Variants in MAF observed in about 807,000 individuals in gnomAD.
MAF encodes transcription factor Maf.
Under a neutral mutation model 22.0 loss-of-function variants are expected in MAF, and 10 were observed. The ratio of observed to expected loss-of-function variants is 0.45; its 90% confidence interval spans 0.28 to 0.77. MAF has a LOEUF of 0.77. MAF is among the 30% of genes least tolerant of loss of function. The probability of loss-of-function intolerance (pLI) is 0.12; values close to 1 mark genes in which losing one functional copy is unlikely to be tolerated. For synonymous variants in MAF, 337 were observed against 255.8 expected (o/e 1.32, Z -3.03); for missense variants, 544 against 548.4 (o/e 0.99, Z 0.08).
the MAF span, among the ~76,000 whole-genome samples, chr16:79,547,936 G>A: frequency 2.7e-5 from 1 of 37,278 alleles, no homozygotes; most frequent in Non-Finnish European, 8.1e-5. Context: ...GAGAGAGAGA[G>A]AGAGAGAATA....
the MAF span, chr16:79,516,219 T>A: frequency 6.6e-6 from 1 of 152,112 alleles, no homozygotes; most frequent in African/African-American, 2.4e-5. Context: ...CCACTGAGGG[T>A]CCAGCATCGG....
At chr16:79,378,471 A>G in the MAF span, among the ~76,000 whole-genome samples, 1 of 152,210 alleles carries the variant, frequency 6.6e-6, no homozygotes, top group South Asian at 2.1e-4. Flanking sequence ...GTGTATTCAC[A>G]CTACTAAAAT....
At chr16:79,598,438 G>A (rs1913704847) in intron 1 of MAF, 3 of 1,252,808 alleles carry the variant, frequency 2.4e-6, no homozygotes, top group Non-Finnish European at 2.0e-6. Context: ...CAAGTCCGGG[G>A]GTGGGGCGGG....
the MAF span, among the ~76,000 whole-genome samples, chr16:79,380,837 C>G: frequency 2.3e-4 from 35 of 152,354 alleles, no homozygotes; most frequent in East Asian, 4.4e-3. Context: ...TACTCTGAAT[C>G]TTTCATTGTC....
chr16:79,430,841 G>A, the MAF span, among the ~76,000 whole-genome samples: 1 of 152,306 alleles, frequency 6.6e-6, no homozygotes, highest in Non-Finnish European at 1.5e-5. Context: ...CTTGGCCTCA[G>A]CACCCTTTCT....
chr16:79,453,422 T>G, the MAF span, among the ~76,000 whole-genome samples: 1 of 152,238 alleles, frequency 6.6e-6, no homozygotes, highest in Non-Finnish European at 1.5e-5. Flanking sequence ...TACATCTTGA[T>G]AGAAGATAAA....
the MAF span, among the ~76,000 whole-genome samples, chr16:79,546,108 AG>A: frequency 2.6e-5 from 4 of 152,128 alleles, no homozygotes; most frequent in African/African-American, 9.6e-5. Flanking sequence ...ATGTGGTATG[AG>A]TGTTACCAAC....
chr16:79,226,293 A>G, the MAF span, among the ~76,000 whole-genome samples: 2 of 151,996 alleles, frequency 1.3e-5, no homozygotes, highest in Non-Finnish European at 2.9e-5. Flanking sequence ...AAAACCAAAC[A>G]CTGTACGTTC....
chr16:79,469,209 T>C, the MAF span, among the ~76,000 whole-genome samples: 1 of 152,218 alleles, frequency 6.6e-6, no homozygotes, highest in Non-Finnish European at 1.5e-5. Flanking sequence ...TTCATTTACA[T>C]TGTATATGGC....
At chr16:79,510,008 T>C in the MAF span, among the ~76,000 whole-genome samples, 3 of 152,184 alleles carry the variant, frequency 2.0e-5, no homozygotes. Context: ...TCTTCCTAAA[T>C]CGCTTTGGAC....
chr16:79,360,094 T>C, the MAF span, among the ~76,000 whole-genome samples: 1 of 152,182 alleles, frequency 6.6e-6, no homozygotes, highest in Non-Finnish European at 1.5e-5. Flanking sequence ...AATGGCTGCC[T>C]TGGAACACAG....
At chr16:79,353,862 C>T in the MAF span, among the ~76,000 whole-genome samples, 1 of 152,164 alleles carries the variant, frequency 6.6e-6, no homozygotes, top group South Asian at 2.1e-4. Flanking sequence ...TCATCGTTAA[C>T]ACCTAAAGCC....
At chr16:79,371,507 C>T in the MAF span, among the ~76,000 whole-genome samples, 1 of 152,180 alleles carries the variant, frequency 6.6e-6, no homozygotes, top group African/African-American at 2.4e-5. Flanking sequence ...CCTCTTGACC[C>T]ATCCCCTGAC....
the MAF span, among the ~76,000 whole-genome samples, chr16:79,546,442 A>G: frequency 6.6e-6 from 1 of 152,346 alleles, no homozygotes; most frequent in Non-Finnish European, 1.5e-5. Context: ...AGTTTTGACA[A>G]TTTTGAAAAT....
chr16:79,476,200 G>T, the MAF span, among the ~76,000 whole-genome samples: 1 of 152,168 alleles, frequency 6.6e-6, no homozygotes, highest in South Asian at 2.1e-4. Context: ...CTTAGAAAAA[G>T]ACCTGGAGCC....
the MAF span, among the ~76,000 whole-genome samples, chr16:79,373,910 T>A: frequency 2.0e-5 from 3 of 152,164 alleles, no homozygotes; most frequent in African/African-American, 7.2e-5. Context: ...TAAAATAGAC[T>A]AAGATGGGAA....
chr16:79,343,419 A>T, the MAF span, among the ~76,000 whole-genome samples: 2 of 152,206 alleles, frequency 1.3e-5, no homozygotes, highest in African/African-American at 4.8e-5. Context: ...CAATTGTGTC[A>T]TATTATTGAA....
the MAF span, among the ~76,000 whole-genome samples, chr16:79,472,666 G>C: frequency 6.6e-6 from 1 of 152,096 alleles, no homozygotes; most frequent in Non-Finnish European, 1.5e-5. Flanking sequence ...TTTCCTTCTA[G>C]GGTGTAGAAA....
the MAF span, among the ~76,000 whole-genome samples, chr16:79,525,057 A>G: frequency 8.1e-3 from 1,235 of 152,338 alleles, 6 homozygotes; most frequent in Middle Eastern, 0.027. Context: ...GCCAGTGACA[A>G]AATATGCCAT....
Sources: allele counts gnomAD v4.1 joint callset (sites outside exome capture counted in the v4.1 genomes callset), GRCh38; gene constraint gnomAD v4.1.1; transcripts MANE v1.5; gene names NCBI Gene and HGNC (gene_info 2026-07-23, HGNC 2026-07-21).